The following DLEC1 variants were observed in gnomAD, a reference collection of about 807,000 sequenced individuals.
The protein encoded by DLEC1 is DLEC1 cilia and flagella associated protein.
In DLEC1, 146 loss-of-function variants were observed where a neutral mutation model predicts 198.1. The observed-to-expected ratio is 0.74, with a 90% CI of 0.64 to 0.85. The LOEUF is 0.85. Among genes scored for constraint, DLEC1 ranks in the 40% least tolerant of loss-of-function variants. The probability of loss-of-function intolerance (pLI) is 0.00; values close to 1 mark genes in which losing one functional copy is unlikely to be tolerated. For synonymous variants in DLEC1, 897 were observed against 866.8 expected (o/e 1.03, Z -0.61); for missense variants, 2,233 against 2,220.0 (o/e 1.01, Z -0.12).
intron 23 of DLEC1, among the ~76,000 whole-genome samples, chr3:38,110,841 CACAT>C (rs752010198): frequency 5.9e-5 from 9 of 152,214 alleles, no homozygotes; most frequent in East Asian, 3.9e-4. Context: ...CATGCATACA[CACAT>C]ACACACATGC....
chr3:38,077,829 T>G (rs1310096073), intron 6 of DLEC1, among the ~76,000 whole-genome samples: 18 of 151,830 alleles, frequency 1.2e-4, no homozygotes. Flanking sequence ...GCTTGATGTG[T>G]AGGGAAGGGA....
chr3:38,096,908 A>C (rs993793047), intron 15 of DLEC1, among the ~76,000 whole-genome samples, 171 bp downstream of exon 15: 6 of 152,190 alleles, frequency 3.9e-5, no homozygotes, highest in Non-Finnish European at 8.8e-5. Context: ...TAGGCCAGGC[A>C]TGGCTGTCTT....
intron 20 of DLEC1, among the ~76,000 whole-genome samples, 163 bp from the exon 21 acceptor site, chr3:38,108,242 C>G (rs1490658075): frequency 1.3e-5 from 2 of 152,212 alleles, no homozygotes; most frequent in Non-Finnish European, 2.9e-5. Flanking sequence ...AGAAGGGACC[C>G]GTGGTTTATC....
chr3:38,084,068 C>T, intron 6 of DLEC1, 90 bp from the exon 7 acceptor site: 1 of 1,290,126 alleles, frequency 7.8e-7, no homozygotes, highest in Non-Finnish European at 1.1e-6. Flanking sequence ...CTACCTCTAC[C>T]CCCTTCTCAT....
intron 10 of DLEC1, 72 bp downstream of exon 10, chr3:38,088,460 T>A: frequency 1.4e-6 from 2 of 1,445,752 alleles, no homozygotes; most frequent in Non-Finnish European, 1.9e-6. Flanking sequence ...TTTTCATGAC[T>A]CAAGTGTCCA....
rs1012496669 is a variant in DLEC1, at chr3:38,084,310, T to C, written c.1261+65T>C. 1.4e-4 allele frequency: 200 copies of C among 1,425,864 alleles called. 2 individuals are homozygous for C. The highest frequency in any genetic ancestry group is 7.1e-5 in the Non-Finnish European group (72 of 1,015,206). The allele number at this position is 1,425,864 out of a possible 1,614,324, so 88.3% of individuals were successfully genotyped here. On this transcript the variant is annotated intron_variant, in intron 7 of 36. Transcript: ENST00000308059. ...ATAGTAGTGGTGGTATTAGTAGTAATAGTAGTAGTGGTGGTAGTAATGGTA... is the reference window on the plus strand; with the variant it reads ...ATAGTAGTGGTGGTATTAGTAGTAACAGTAGTAGTGGTGGTAGTAATGGTA...
intron 23 of DLEC1, among the ~76,000 whole-genome samples, chr3:38,110,621 A>G (rs1699814545): frequency 6.6e-6 from 1 of 152,150 alleles, no homozygotes. Flanking sequence ...TGGGAGGAAT[A>G]GTTCAGGAGT....
chr3:38,060,224 A>G (rs898119246), intron 3 of DLEC1, among the ~76,000 whole-genome samples: 9 of 152,244 alleles, frequency 5.9e-5, no homozygotes, highest in African/African-American at 2.2e-4. Flanking sequence ...GGGTTTTCCC[A>G]TGCAGGAAAA....
chr3:38,105,506 A>G (rs1225536995), intron 19 of DLEC1, among the ~76,000 whole-genome samples: 1 of 152,144 alleles, frequency 6.6e-6, no homozygotes, highest in Non-Finnish European at 1.5e-5. Context: ...ATCTTTTTAT[A>G]ATTATAAAAT....
chr3:38,101,478 C>T (rs901036505), intron 19 of DLEC1, among the ~76,000 whole-genome samples: 1 of 152,028 alleles, frequency 6.6e-6, no homozygotes, highest in Non-Finnish European at 1.5e-5. Context: ...GGAGGTAGTA[C>T]ATAGATGTTG....
chr3:38,105,161 T>C (rs982084359), intron 19 of DLEC1, among the ~76,000 whole-genome samples: 2 of 152,222 alleles, frequency 1.3e-5, no homozygotes, highest in Middle Eastern at 3.2e-3. Context: ...GAACCCACTT[T>C]ATATAATTAT....
chr3:38,116,842 G>A lies in DLEC1; in HGVS notation c.4132G>A (p.Glu1378Lys), dbSNP rs751070998. The change falls in exon 29 of 37, where the codon GAG (glutamate) becomes AAG (lysine). Residue 1378 changes from glutamate to lysine, a missense_variant. Transcript: ENST00000308059. ...CATCTCAGTCATCCTGCAGGCACAT[G>A]AGGGGGTGCCCTCCGGCCACCTGTA... is the stretch of plus-strand genomic sequence containing the variant. ...KLISVILQAH[E>K]GVPSGHLYCI... is the part of the protein sequence containing the mutation. 1.9e-6 allele frequency: 3 copies of A among 1,613,808 alleles called. No individual in the cohort carries two copies. The highest frequency in any genetic ancestry group is 2.5e-6 in the Non-Finnish European group (3 of 1,179,884).
chr3:38,051,243 C>T (rs1701101554), intron 2 of DLEC1, among the ~76,000 whole-genome samples: 1 of 152,240 alleles, frequency 6.6e-6, no homozygotes, highest in Non-Finnish European at 1.5e-5. Flanking sequence ...GAGCAAACAA[C>T]AAAGTTTGAA....
At position 38,078,740 on chromosome 3, in the gene DLEC1, T is replaced by C. The variant is rs541598834; in HGVS notation, c.1174-5418T>C. Among the ~76,000 whole-genome samples, 737 of 152,180 alleles carry C rather than the reference T, an allele frequency of 4.8e-3. 9 individuals are homozygous for C. Among genetic ancestry groups the C allele is most frequent in the African/African-American group, 0.017 (710 of 41,496 alleles). On this transcript the variant is annotated intron_variant, in intron 6 of 36. Coordinates refer to ENST00000308059, the MANE Select transcript of DLEC1 (RefSeq NM_007335.4). ...GGCTGGGATGAAGGGTGCAAAGGAATAGTAAAGAAAGCATGTTTGAGATCC... is the reference window on the plus strand; with the variant it reads ...GGCTGGGATGAAGGGTGCAAAGGAACAGTAAAGAAAGCATGTTTGAGATCC...
chr3:38,064,150 G>A (rs560413449), intron 6 of DLEC1, among the ~76,000 whole-genome samples: 3 of 151,892 alleles, frequency 2.0e-5, no homozygotes, highest in African/African-American at 7.2e-5. Flanking sequence ...TAGGCAGAGG[G>A]CCCTGCCGCC....
rs1441533195 is a variant in DLEC1 at position 38,084,156 on chromosome 3, A to T, written c.1174-2A>T. On this transcript the variant is annotated splice_acceptor_variant, in intron 6 of 36. Coordinates refer to ENST00000308059, the MANE Select transcript of DLEC1 (RefSeq NM_007335.4). LOFTEE classifies it high-confidence loss of function. ...AAAAGAGATCATCTTACCTTTCAAC[A>T]GATGGTAATTGCGCTGCAGAACACC... 3 of 1,612,574 alleles carry T rather than the reference A, an allele frequency of 1.9e-6. No individual in the cohort carries two copies. Among genetic ancestry groups the T allele is most frequent in the South Asian group, 1.1e-5 (1 of 91,066 alleles).
In DLEC1 at chr3:38,085,513, G is replaced by C. The variant is rs1698406804; in HGVS notation, c.1435+66G>C. 6 of 1,573,590 alleles carry C rather than the reference G, an allele frequency of 3.8e-6. No homozygotes were observed. In the East Asian group the frequency reaches 1.3e-4, roughly 35 times the overall value. The stretch of plus-strand genomic sequence containing the variant: ...TGGAGAGTCCCCATAAGGACTGCCT[G>C]CCTCTCAGGTTCCCTTTGTATCAGC... On this transcript the variant is annotated intron_variant, in intron 8 of 36. Transcript: ENST00000308059.
chr3:38,057,848 G>T (rs566898151), intron 2 of DLEC1, among the ~76,000 whole-genome samples: 1 of 143,648 alleles, frequency 7.0e-6, no homozygotes, highest in Non-Finnish European at 1.5e-5. Flanking sequence ...ACAGAGTCTC[G>T]CTCTGTTGCC....
At chr3:38,082,043 G>T (rs1442971219) in intron 6 of DLEC1, among the ~76,000 whole-genome samples, 1 of 132,354 alleles carries the variant, frequency 7.6e-6, no homozygotes, top group Non-Finnish European at 1.6e-5. Context: ...CTCAGACGGG[G>T]TGGTTGCCAG....
Sources: allele counts gnomAD v4.1 joint callset (sites outside exome capture counted in the v4.1 genomes callset), GRCh38; gene constraint gnomAD v4.1.1; transcripts MANE v1.5; gene names NCBI Gene and HGNC (gene_info 2026-07-23, HGNC 2026-07-21).